Variants in CNTNAP5 observed in about 807,000 individuals in gnomAD.
CNTNAP5 encodes contactin associated protein family member 5, also known as contactin-associated protein-like 5.
In CNTNAP5, 72 loss-of-function variants were observed where a neutral mutation model predicts 150.2. That is an observed-to-expected ratio of 0.48 (90% CI 0.40 to 0.58). The LOEUF (loss-of-function observed/expected upper bound fraction) is 0.58. Among genes scored for constraint, CNTNAP5 ranks in the 20% least tolerant of loss-of-function variants. CNTNAP5 has a pLI of 0.00. For missense variants in CNTNAP5, 1,636 were observed against 1,626.2 expected (o/e 1.01, Z -0.10); for synonymous variants, 672 against 619.8 (o/e 1.08, Z -1.25).
chr2:124,880,833 AG>A (rs1232957104), intron 21 of CNTNAP5, among the ~76,000 whole-genome samples: 1 of 152,132 alleles, frequency 6.6e-6, no homozygotes, highest in East Asian at 1.9e-4. Flanking sequence ...ATTCATAAAA[AG>A]AAGAGATCAT....
intron 5 of CNTNAP5, 87 bp from the exon 6 acceptor site, chr2:124,446,666 T>C (rs1485728740): frequency 4.9e-5 from 64 of 1,304,980 alleles, no homozygotes; most frequent in Non-Finnish European, 6.2e-5. Flanking sequence ...TTAGAACAGA[T>C]ATAGCTGCTT....
chr2:124,051,145 A>C (rs1681683897), intron 1 of CNTNAP5, among the ~76,000 whole-genome samples: 1 of 152,188 alleles, frequency 6.6e-6, no homozygotes, highest in African/African-American at 2.4e-5. Context: ...GAACATCTGC[A>C]ATAGTTTGAG....
chr2:124,739,822 G>T (rs1180516160), intron 13 of CNTNAP5, among the ~76,000 whole-genome samples: 2 of 151,888 alleles, frequency 1.3e-5, no homozygotes, highest in Non-Finnish European at 2.9e-5. Flanking sequence ...CTGGTGAGAA[G>T]TCATATTTTC....
intron 19 of CNTNAP5, among the ~76,000 whole-genome samples, chr2:124,862,182 A>G (rs916837300): frequency 6.6e-6 from 1 of 152,300 alleles, no homozygotes; most frequent in East Asian, 1.9e-4. Flanking sequence ...TAATTTCCAC[A>G]TTGTGAACAT....
chr2:124,334,289 A>T (rs991379367), intron 3 of CNTNAP5, among the ~76,000 whole-genome samples: 3 of 152,154 alleles, frequency 2.0e-5, no homozygotes, highest in Non-Finnish European at 4.4e-5. Flanking sequence ...TAAGAAAAAT[A>T]TATCAAGGGA....
At chr2:124,835,275 C>T (rs1310432838) in intron 19 of CNTNAP5, among the ~76,000 whole-genome samples, 1 of 152,008 alleles carries the variant, frequency 6.6e-6, no homozygotes, top group Non-Finnish European at 1.5e-5. Flanking sequence ...AATTTTGCTA[C>T]TTCCCTTTTC....
chr2:124,801,032 A>G (rs1681955612), intron 19 of CNTNAP5, among the ~76,000 whole-genome samples: 1 of 152,138 alleles, frequency 6.6e-6, no homozygotes, highest in East Asian at 1.9e-4. Context: ...TCCCCACTCC[A>G]GCTTGGAACA....
intron 7 of CNTNAP5, 85 bp downstream of exon 7, chr2:124,474,967 T>TA: frequency 8.5e-7 from 1 of 1,177,056 alleles, no homozygotes; most frequent in Non-Finnish European, 1.2e-6. Flanking sequence ...CTGAACCCAT[T>TA]CGTAATGTGT....
At chr2:124,183,726 A>T (rs1198890869) in intron 1 of CNTNAP5, among the ~76,000 whole-genome samples, 2 of 152,180 alleles carry the variant, frequency 1.3e-5, no homozygotes, top group Non-Finnish European at 2.9e-5. Flanking sequence ...TCATACATTC[A>T]TTCAAAACCC....
intron 3 of CNTNAP5, among the ~76,000 whole-genome samples, chr2:124,269,652 G>C: frequency 6.6e-6 from 1 of 152,148 alleles, no homozygotes; most frequent in East Asian, 1.9e-4. Flanking sequence ...GCAAATGCAG[G>C]TGGAACAAAA....
chr2:124,188,509 G>A (rs1017778719), intron 1 of CNTNAP5, among the ~76,000 whole-genome samples: 6 of 151,988 alleles, frequency 3.9e-5, no homozygotes, highest in South Asian at 2.1e-4. Context: ...CATGAGGTCA[G>A]GAGATGGAGA....
At chr2:124,527,511 C>A in intron 10 of CNTNAP5, 55 bp downstream of exon 10, 1 of 1,421,590 alleles carries the variant, frequency 7.0e-7, no homozygotes, top group South Asian at 1.4e-5. Flanking sequence ...TCTTACTGTT[C>A]TAAATATGAG....
At chr2:124,082,642 T>C (rs976810964) in intron 1 of CNTNAP5, among the ~76,000 whole-genome samples, 1 of 152,326 alleles carries the variant, frequency 6.6e-6, no homozygotes, top group African/African-American at 2.4e-5. Context: ...ATAATCATAA[T>C]TTTTTATTTC....
At chr2:124,380,473 G>C (rs1197965148) in intron 3 of CNTNAP5, among the ~76,000 whole-genome samples, 1 of 152,092 alleles carries the variant, frequency 6.6e-6, no homozygotes, top group East Asian at 1.9e-4. Flanking sequence ...GTAATTCTCT[G>C]GAAATCACAG....
intron 7 of CNTNAP5, among the ~76,000 whole-genome samples, chr2:124,491,182 T>C (rs889096378): frequency 6.6e-6 from 1 of 152,118 alleles, no homozygotes; most frequent in Non-Finnish European, 1.5e-5. Context: ...ATCTTATAAT[T>C]GAAAGTTTGT....
chr2:124,811,277 TAAG>T (rs900387611), intron 19 of CNTNAP5, among the ~76,000 whole-genome samples: 20 of 151,908 alleles, frequency 1.3e-4, no homozygotes, highest in African/African-American at 4.6e-4. Flanking sequence ...GAGTTAAAAA[TAAG>T]AAGAGTAATG....
intron 1 of CNTNAP5, among the ~76,000 whole-genome samples, chr2:124,147,861 G>A (rs1684292910): frequency 6.6e-6 from 1 of 152,202 alleles, no homozygotes; most frequent in South Asian, 2.1e-4. Context: ...CATCTAGGTG[G>A]ATATCTTCAA....
intron 3 of CNTNAP5, among the ~76,000 whole-genome samples, chr2:124,307,392 C>T (rs1249913140): frequency 2.0e-5 from 3 of 152,136 alleles, no homozygotes; most frequent in African/African-American, 4.8e-5. Context: ...GGGATTAGAG[C>T]TTCAACATAC....
chr2:124,890,349 T>C (rs532301136), intron 21 of CNTNAP5, among the ~76,000 whole-genome samples: 56 of 152,288 alleles, frequency 3.7e-4, no homozygotes, highest in African/African-American at 1.2e-3. Flanking sequence ...GATGCATTAA[T>C]ATCTTAGCTC....
Sources: allele counts gnomAD v4.1 joint callset (sites outside exome capture counted in the v4.1 genomes callset), GRCh38; gene constraint gnomAD v4.1.1; transcripts MANE v1.5; gene names NCBI Gene and HGNC (gene_info 2026-07-23, HGNC 2026-07-21).